RCOR1: variants seen among roughly 807,000 people sequenced by gnomAD.
RCOR1 encodes the protein REST corepressor.
RCOR1 carries 12 observed loss-of-function variants against 64.0 expected under a neutral mutation model. That is an observed-to-expected ratio of 0.19 (90% CI 0.12 to 0.30). The LOEUF (loss-of-function observed/expected upper bound fraction) is 0.30. Ranked by LOEUF, RCOR1 falls within the 10% of genes least tolerant of loss-of-function variation. The pLI is 1.00. For synonymous variants in RCOR1, 279 were observed against 227.2 expected, an observed-to-expected ratio of 1.23 and a Z score of -2.05; for missense variants, 502 against 621.2, an observed-to-expected ratio of 0.81 and a Z score of 2.04.
chr14:102,661,645 TC>T (rs775700910), intron 2 of RCOR1, among the ~76,000 whole-genome samples: 2 of 152,182 alleles, frequency 1.3e-5, no homozygotes, highest in Admixed American at 6.5e-5. Context: ...CAGAGGGAGT[TC>T]CTTCAGCGCA....
intron 2 of RCOR1, among the ~76,000 whole-genome samples, chr14:102,666,389 A>G (rs1285570442): frequency 6.6e-6 from 1 of 152,238 alleles, no homozygotes; most frequent in Non-Finnish European, 1.5e-5. Flanking sequence ...AAGAGTTTCC[A>G]TATACCCTAC....
At chr14:102,709,343 C>A (rs1347876293) in intron 6 of RCOR1, among the ~76,000 whole-genome samples, 1 of 152,192 alleles carries the variant, frequency 6.6e-6, no homozygotes, top group East Asian at 1.9e-4. Flanking sequence ...AGGCAGCATG[C>A]AGACCTAGTG....
chr14:102,637,619 AGT>A (rs1388623444), intron 2 of RCOR1, among the ~76,000 whole-genome samples: 3 of 151,670 alleles, frequency 2.0e-5, no homozygotes, highest in African/African-American at 7.3e-5. Context: ...GCTAATGTTT[AGT>A]ATTTTTTTGT....
chr14:102,596,596 ACT>A (rs1893254085), intron 2 of RCOR1, among the ~76,000 whole-genome samples: 1 of 150,750 alleles, frequency 6.6e-6, no homozygotes, highest in Non-Finnish European at 1.5e-5. Flanking sequence ...ACCAAGTCTC[ACT>A]CTGTTGCCCA....
intron 4 of RCOR1, among the ~76,000 whole-genome samples, chr14:102,703,325 A>G (rs1320304433): frequency 6.6e-6 from 1 of 152,248 alleles, no homozygotes; most frequent in Non-Finnish European, 1.5e-5. Flanking sequence ...AAATTTCGCA[A>G]ATTTGTTGAA....
chr14:102,603,563 A>AT (rs907628259), intron 2 of RCOR1, among the ~76,000 whole-genome samples: 1 of 150,256 alleles, frequency 6.7e-6, no homozygotes, highest in Admixed American at 6.6e-5. Context: ...GTGTCTGTAA[A>AT]TTTTTTTTTC....
chr14:102,675,737 C>T (rs922177474), intron 2 of RCOR1, among the ~76,000 whole-genome samples: 1 of 152,188 alleles, frequency 6.6e-6, no homozygotes, highest in Non-Finnish European at 1.5e-5. Context: ...ATTAGGATAC[C>T]AAAGAGTTCC....
At chr14:102,710,674 T>C (rs930133489) in intron 6 of RCOR1, 1 of 416,866 alleles carries the variant, frequency 2.4e-6, no homozygotes, top group South Asian at 3.2e-5. Context: ...AATAGTGTTT[T>C]AGATCTGGAT....
intron 7 of RCOR1, 64 bp from the exon 8 acceptor site, chr14:102,714,357 AAT>A (rs1472048008): frequency 1.9e-6 from 2 of 1,041,408 alleles, no homozygotes; most frequent in African/African-American, 1.6e-5. Context: ...TAAGGAAATA[AAT>A]ATGTTTATTA....
At chr14:102,676,870 T>C (rs1595225195) in intron 2 of RCOR1, among the ~76,000 whole-genome samples, 1 of 80,484 alleles carries the variant, frequency 1.2e-5, no homozygotes, top group East Asian at 4.4e-4. Flanking sequence ...ACCCCCCACC[T>C]CCCTCCTGGA....
chr14:102,643,400 A>G (rs1348452014), intron 2 of RCOR1: 5 of 695,396 alleles, frequency 7.2e-6, no homozygotes, highest in Non-Finnish European at 8.8e-6. Flanking sequence ...GGGATAGTAT[A>G]AACAGTATAG....
intron 2 of RCOR1, among the ~76,000 whole-genome samples, chr14:102,638,847 G>A (rs530112497): frequency 7.0e-4 from 107 of 152,182 alleles, no homozygotes; most frequent in African/African-American, 2.4e-3. Context: ...ATTTTTAGTG[G>A]AGACGGGGTT....
At chr14:102,647,973 T>G (rs1894510261) in intron 2 of RCOR1, among the ~76,000 whole-genome samples, 1 of 152,192 alleles carries the variant, frequency 6.6e-6, no homozygotes, top group Admixed American at 6.5e-5. Flanking sequence ...ACCACCATGC[T>G]CGGCCTATTA....
At chr14:102,684,250 C>T (rs951797093) in intron 3 of RCOR1, among the ~76,000 whole-genome samples, 1 of 152,172 alleles carries the variant, frequency 6.6e-6, no homozygotes, top group South Asian at 2.1e-4. Flanking sequence ...TAAGCAAGGG[C>T]TCATCGGTAG....
chr14:102,712,213 C>T (rs1231182884), intron 7 of RCOR1, among the ~76,000 whole-genome samples: 1 of 151,986 alleles, frequency 6.6e-6, no homozygotes, highest in African/African-American at 2.4e-5. Context: ...GACAGTCTCT[C>T]ACTCTGTTGC....
intron 2 of RCOR1, chr14:102,659,006 C>T (rs1201459260): frequency 3.7e-6 from 2 of 540,180 alleles, no homozygotes; most frequent in Non-Finnish European, 4.7e-6. Flanking sequence ...GTCCAACCTA[C>T]ACTCAAGTCG....
intron 2 of RCOR1, among the ~76,000 whole-genome samples, chr14:102,606,107 G>A (rs559947652): frequency 1.3e-3 from 191 of 152,078 alleles, no homozygotes; most frequent in Middle Eastern, 3.4e-3. Flanking sequence ...TGTATTTTTA[G>A]TAGAAATAGG....
chr14:102,724,764 G>A (rs1466084684), intron 11 of RCOR1, among the ~76,000 whole-genome samples: 1 of 152,178 alleles, frequency 6.6e-6, no homozygotes, highest in East Asian at 1.9e-4. Context: ...CTGTGTCCAA[G>A]GGCCTAAGGG....
At chr14:102,709,442 TA>T (rs942030644) in intron 6 of RCOR1, among the ~76,000 whole-genome samples, 1 of 152,066 alleles carries the variant, frequency 6.6e-6, no homozygotes, top group Non-Finnish European at 1.5e-5. Context: ...CAATTAATAA[TA>T]AAAAAATAAA....
Sources: gnomAD v4.1 joint callset for allele counts (sites outside exome capture counted in the v4.1 genomes callset) on GRCh38, gnomAD v4.1.1 for gene constraint, MANE v1.5 for transcripts, NCBI Gene and HGNC (gene_info 2026-07-23, HGNC 2026-07-21) for gene names.